SGCE: variants seen among roughly 807,000 people sequenced by gnomAD.
The protein encoded by SGCE is epsilon-sarcoglycan.
Under a neutral mutation model 57.8 loss-of-function variants are expected in SGCE, and 26 were observed. The ratio of observed to expected loss-of-function variants is 0.45; its 90% CI spans 0.33 to 0.62. The LOEUF (loss-of-function observed/expected upper bound fraction) is 0.62, where lower values mean the gene tolerates loss of function less well. SGCE is among the 20% of genes least tolerant of loss of function. The probability of loss-of-function intolerance (pLI) is 0.02; values close to 1 mark genes in which losing one functional copy is unlikely to be tolerated. For missense variants in SGCE, 468 were observed against 548.6 expected, an observed-to-expected ratio of 0.85 and a Z score of 1.47; for synonymous variants, 183 against 189.5, an observed-to-expected ratio of 0.97 and a Z score of 0.28.
chr7:94,652,093 G>A (rs1584788056), intron 1 of SGCE, among the ~76,000 whole-genome samples: 1 of 152,086 alleles, frequency 6.6e-6, no homozygotes, highest in African/African-American at 2.4e-5. Context: ...CTGTCTGTCT[G>A]TCTCTGCTGG....
intron 1 of SGCE, among the ~76,000 whole-genome samples, chr7:94,653,918 G>A (rs1455952487): frequency 1.3e-5 from 2 of 151,942 alleles, no homozygotes; most frequent in Non-Finnish European, 2.9e-5. Context: ...CAAACTTAAT[G>A]TTATTTAACA....
chr7:94,635,473 T>C (rs1231492920), intron 1 of SGCE, among the ~76,000 whole-genome samples: 1 of 152,184 alleles, frequency 6.6e-6, no homozygotes, highest in Non-Finnish European at 1.5e-5. Flanking sequence ...TGACAAAAAA[T>C]AATACTTCTC....
At chr7:94,596,881 CAA>C (rs1321370661) in intron 9 of SGCE, among the ~76,000 whole-genome samples, 1 of 152,064 alleles carries the variant, frequency 6.6e-6, no homozygotes. Context: ...CTAGGGTAAA[CAA>C]TATCAGAAAT....
intron 6 of SGCE, 51 bp from the exon 7 acceptor site, chr7:94,600,908 T>C (rs925173811): frequency 1.0e-5 from 15 of 1,441,260 alleles, no homozygotes; most frequent in Non-Finnish European, 1.4e-5. Context: ...GCAAACATTA[T>C]GAGATTTTAA....
intron 1 of SGCE, chr7:94,639,537 G>A (rs1806085377): frequency 2.7e-6 from 2 of 750,084 alleles, no homozygotes; most frequent in Non-Finnish European, 4.4e-6. Flanking sequence ...CAATTAACTG[G>A]GATCAGATTC....
intron 10 of SGCE, among the ~76,000 whole-genome samples, chr7:94,586,038 TA>T (rs1345792274): frequency 5.9e-5 from 1 of 17,002 alleles, no homozygotes; most frequent in Non-Finnish European, 1.2e-4. Flanking sequence ...GATAGGAATT[TA>T]AAAGAAAACA....
chr7:94,623,572 G>A (rs1368084020), intron 3 of SGCE, 175 bp from the exon 4 acceptor site: 4 of 587,568 alleles, frequency 6.8e-6, no homozygotes, highest in Middle Eastern at 4.5e-4. Context: ...GCAATATTAT[G>A]GGAAAATAAA....
At chr7:94,606,355 C>G (rs1429341399) in intron 5 of SGCE, among the ~76,000 whole-genome samples, 1 of 152,148 alleles carries the variant, frequency 6.6e-6, no homozygotes, top group Non-Finnish European at 1.5e-5. Flanking sequence ...GCCAACCTCA[C>G]AGCAAGGAAA....
chr7:94,629,807 C>T lies in SGCE; in HGVS notation c.144G>A (p.Arg48=). The change falls in exon 2 of 11, where the codon CGG becomes CGA. Residue 48 remains arginine, a synonymous_variant. Transcript: ENST00000648936. ...YSIFSKVHSD[R]NVYPSAGVLF... The stretch of plus-strand genomic sequence containing the variant: ...GGACACCTGCTGATGGGTATACATT[C>T]CGATCGGAGTGTACCTTGGAGAAAA... 6.2e-7 allele frequency: 1 copy of T among 1,611,024 alleles called. No homozygotes were observed. Among genetic ancestry groups the T allele is most frequent in the Non-Finnish European group, 8.5e-7 (1 of 1,177,778 alleles).
chr7:94,602,999 T>A (rs1799513601), intron 6 of SGCE, among the ~76,000 whole-genome samples: 1 of 152,208 alleles, frequency 6.6e-6, no homozygotes, highest in Admixed American at 6.5e-5. Context: ...AACTCCACTA[T>A]CTGTGCTCAT....
At chr7:94,611,289 A>G (rs916218633) in intron 5 of SGCE, among the ~76,000 whole-genome samples, 1 of 152,232 alleles carries the variant, frequency 6.6e-6, no homozygotes, top group Admixed American at 6.5e-5. Context: ...TGGCATATCC[A>G]TAAAATAGAA....
At chr7:94,641,348 A>G (rs1275163416) in intron 1 of SGCE, among the ~76,000 whole-genome samples, 1 of 152,246 alleles carries the variant, frequency 6.6e-6, no homozygotes, top group Non-Finnish European at 1.5e-5. Flanking sequence ...TCTTTCAAGA[A>G]CACTGGTCAG....
In SGCE at chr7:94,585,295, T is replaced by C. The variant is rs542318820; in HGVS notation, c.*204A>G. 9 of 496,362 alleles carry C rather than the reference T, an allele frequency of 1.8e-5. No individual in the cohort carries two copies. Among genetic ancestry groups the C allele is most frequent in the African/African-American group, 1.5e-4 (8 of 52,606 alleles). The allele number at this position is 496,362 out of a possible 1,614,324, so 30.7% of individuals were successfully genotyped here. On this transcript the variant is annotated 3_prime_UTR_variant, in exon 11 of 11. Transcript: ENST00000648936. ...AACAAATATAAAGTCATCAATGTTTTACAAATTGTCAAAAATGCTTTAAGT... is the reference window on the plus strand; with the variant it reads ...AACAAATATAAAGTCATCAATGTTTCACAAATTGTCAAAAATGCTTTAAGT...
intron 1 of SGCE, among the ~76,000 whole-genome samples, chr7:94,632,269 A>G (rs1185062993): frequency 6.6e-6 from 1 of 152,040 alleles, no homozygotes; most frequent in African/African-American, 2.4e-5. Flanking sequence ...ACAGGTCCTG[A>G]AGTGGAACCA....
At chr7:94,594,956 G>T (rs997563247) in intron 9 of SGCE, among the ~76,000 whole-genome samples, 2 of 152,068 alleles carry the variant, frequency 1.3e-5, no homozygotes, top group African/African-American at 4.8e-5. Flanking sequence ...CAGCTTCCCT[G>T]TCCACTGCCT....
At chr7:94,655,115 A>G (rs1319576691) in intron 1 of SGCE, among the ~76,000 whole-genome samples, 4 of 152,228 alleles carry the variant, frequency 2.6e-5, no homozygotes, top group African/African-American at 9.6e-5. Flanking sequence ...AAAGGATTAA[A>G]CGTGCGGTTG....
At chr7:94,611,106 A>C (rs1800948313) in intron 5 of SGCE, among the ~76,000 whole-genome samples, 1 of 152,228 alleles carries the variant, frequency 6.6e-6, no homozygotes. Flanking sequence ...AAAATGTTAA[A>C]TACAGAGTTA....
intron 1 of SGCE, among the ~76,000 whole-genome samples, chr7:94,641,123 A>G (rs1472143088): frequency 2.0e-5 from 3 of 152,236 alleles, no homozygotes; most frequent in African/African-American, 7.2e-5. Context: ...GAAGAGTAAC[A>G]TAAGCCAACA....
intron 2 of SGCE, 61 bp downstream of exon 2, chr7:94,629,658 A>G (rs1188965234): frequency 2.0e-6 from 3 of 1,475,076 alleles, no homozygotes; most frequent in Non-Finnish European, 2.8e-6. Flanking sequence ...TGTCTATATT[A>G]TGCAAATTAA....
Sources: allele counts gnomAD v4.1 joint callset (sites outside exome capture counted in the v4.1 genomes callset), GRCh38; gene constraint gnomAD v4.1.1; transcripts MANE v1.5; gene names NCBI Gene and HGNC (gene_info 2026-07-23, HGNC 2026-07-21).